SH3RF1: variants seen among roughly 807,000 people sequenced by gnomAD.
SH3RF1 encodes SH3 domain containing ring finger 1.
A neutral mutation model predicts 74.0 loss-of-function variants in SH3RF1; 32 were observed. The ratio of observed to expected loss-of-function variants is 0.43; its 90% CI spans 0.33 to 0.58. The LOEUF (loss-of-function observed/expected upper bound fraction) is 0.58. Among genes scored for constraint, SH3RF1 ranks in the 20% least tolerant of loss-of-function variants. The pLI, the probability that SH3RF1 is intolerant of heterozygous loss-of-function variation, is 0.05. For synonymous variants in SH3RF1, 396 were observed against 439.6 expected (o/e 0.90, Z 1.24); for missense variants, 954 against 1,130.9 (o/e 0.84, Z 2.24).
chr4:169,216,580 T>G (rs1730467664), intron 2 of SH3RF1, among the ~76,000 whole-genome samples: 1 of 152,184 alleles, frequency 6.6e-6, no homozygotes, highest in Non-Finnish European at 1.5e-5. Context: ...GTTGCTCACC[T>G]CTATAGTCCG....
intron 2 of SH3RF1, among the ~76,000 whole-genome samples, chr4:169,184,230 T>C (rs1205338288): frequency 1.3e-5 from 2 of 152,258 alleles, no homozygotes; most frequent in Admixed American, 6.5e-5. Context: ...GTCTGCATTT[T>C]CAGAAGAAAT....
intron 1 of SH3RF1, 142 bp from the exon 2 acceptor site, chr4:169,269,449 T>G (rs1731409433): frequency 2.2e-6 from 1 of 461,114 alleles, no homozygotes; most frequent in African/African-American, 2.0e-5. Flanking sequence ...GGAATGTGGG[T>G]TCCTAAACTC....
At chr4:169,172,308 G>A (rs1324456117) in intron 2 of SH3RF1, among the ~76,000 whole-genome samples, 6 of 152,172 alleles carry the variant, frequency 3.9e-5, no homozygotes, top group South Asian at 2.1e-4. Flanking sequence ...ACAGAAAGGA[G>A]GACTGTACTA....
chr4:169,220,076 CCAAT>C (rs1163588084), intron 2 of SH3RF1: 2 of 152,032 alleles, frequency 1.3e-5, no homozygotes, highest in Non-Finnish European at 1.5e-5. Flanking sequence ...AAAATTGTTT[CCAAT>C]CAGTCAAAGT....
chr4:169,244,928 G>T (rs778699773), intron 2 of SH3RF1, among the ~76,000 whole-genome samples: 1 of 152,076 alleles, frequency 6.6e-6, no homozygotes, highest in Non-Finnish European at 1.5e-5. Context: ...TTTAGAAAAG[G>T]TTTTGCAAAA....
intron 11 of SH3RF1, among the ~76,000 whole-genome samples, chr4:169,101,609 A>G (rs1480292367): frequency 1.3e-5 from 2 of 151,754 alleles, no homozygotes; most frequent in African/African-American, 4.8e-5. Flanking sequence ...ATTTTCATGT[A>G]TACTTTACCA....
Position 169,116,268 on chromosome 4 carries a change from C to T in SH3RF1, c.2139+1G>A. ...GAAACAGTAAGTAAGTATGGTCTTA[C>T]TTTGCTATCCTTGTCTGGTTTGGTT... On this transcript the variant is annotated splice_donor_variant, in intron 10 of 11. Transcript: ENST00000284637. LOFTEE classifies it high-confidence loss of function. 1 of 1,598,050 alleles carries T rather than the reference C, an allele frequency of 6.3e-7. No individual in the cohort carries two copies. Among genetic ancestry groups the T allele is most frequent in the Non-Finnish European group, 8.5e-7 (1 of 1,170,264 alleles).
chr4:169,233,340 A>G (rs980989703), intron 2 of SH3RF1, among the ~76,000 whole-genome samples: 6 of 152,182 alleles, frequency 3.9e-5, no homozygotes, highest in African/African-American at 1.2e-4. Context: ...GGTTATCTGG[A>G]AGTCAACATG....
chr4:169,169,251 C>A (rs1734289355), intron 2 of SH3RF1, among the ~76,000 whole-genome samples: 1 of 151,916 alleles, frequency 6.6e-6, no homozygotes, highest in Non-Finnish European at 1.5e-5. Context: ...TCCTGTGAAC[C>A]CTATAGGGTA....
chr4:169,123,322 G>A (rs915548953), intron 6 of SH3RF1, among the ~76,000 whole-genome samples: 3 of 152,138 alleles, frequency 2.0e-5, no homozygotes, highest in African/African-American at 7.2e-5. Context: ...CATAGTTCCA[G>A]AAACATAACG....
chr4:169,133,174 T>G (rs1450603526), intron 5 of SH3RF1, among the ~76,000 whole-genome samples: 2 of 152,188 alleles, frequency 1.3e-5, no homozygotes, highest in African/African-American at 4.8e-5. Context: ...CTAATAACTT[T>G]GTGGTGCTAT....
At chr4:169,151,981 T>C (rs1310946909) in intron 4 of SH3RF1, among the ~76,000 whole-genome samples, 3 of 152,236 alleles carry the variant, frequency 2.0e-5, no homozygotes, top group African/African-American at 4.8e-5. Flanking sequence ...TCCAAATTAA[T>C]AGGGTTAAAA....
Position 169,122,119 on chromosome 4 carries a change from G to A in SH3RF1, c.1327C>T (p.Pro443Ser). Residue 443 changes from proline to serine, a missense_variant, in exon 7 of 12, where the codon CCG becomes TCG. Transcript: ENST00000284637. ...ACTTACACACTGGGGCGAGTCTGCG[G>A]CCGTAAATGTGCAATCTGGTCAGTG... ...GSTDQIAHLRPQTRPSVYVAI... is the reference protein window; with the variant it reads ...GSTDQIAHLRSQTRPSVYVAI... 1 of 1,612,674 alleles carries A rather than the reference G, an allele frequency of 6.2e-7. No homozygotes were observed. The highest frequency in any genetic ancestry group is 8.5e-7 in the Non-Finnish European group (1 of 1,179,990).
intron 2 of SH3RF1, among the ~76,000 whole-genome samples, chr4:169,207,638 T>C (rs1730282913): frequency 6.6e-6 from 1 of 152,206 alleles, no homozygotes; most frequent in South Asian, 2.1e-4. Context: ...GTCTTTCTCA[T>C]TCTTGAGGCA....
chr4:169,116,407 T>C lies in SH3RF1; in HGVS notation c.2001A>G (p.Pro667=). 1.2e-6 allele frequency: 2 copies of C among 1,614,006 alleles called. No homozygotes were observed. The highest frequency in any genetic ancestry group is 1.7e-6 in the Non-Finnish European group (2 of 1,180,002). Residue 667 remains proline, a synonymous_variant, in exon 10 of 12, where the codon CCA becomes CCG. Transcript: ENST00000284637. ...CCTCCAGAGAAGCACTGGTGATGCTTGGGGAAGTCAGTGGAGCAGCTGCTG... is the reference window on the plus strand; with the variant it reads ...CCTCCAGAGAAGCACTGGTGATGCTCGGGGAAGTCAGTGGAGCAGCTGCTG... The part of the protein sequence containing the change: ...ACAAAAPLTS[P]SITSASLEAE...
chr4:169,130,986 AC>A (rs1733609700), intron 5 of SH3RF1, among the ~76,000 whole-genome samples: 1 of 152,198 alleles, frequency 6.6e-6, no homozygotes, highest in African/African-American at 2.4e-5. Flanking sequence ...GTTGGCTGGT[AC>A]CTGCCTCCCT....
At position 169,107,067 on chromosome 4, in the gene SH3RF1, C is replaced by T. The variant is rs756725142; in HGVS notation, c.2278G>A (p.Glu760Lys). 9.3e-6 allele frequency: 15 copies of T among 1,613,842 alleles called. No homozygotes were observed. Among genetic ancestry groups the T allele is most frequent in the African/African-American group, 5.3e-5 (4 of 74,942 alleles). Residue 760 changes from glutamate (E) to lysine (K), a missense_variant, in exon 11 of 12, where the codon GAA (glutamate) becomes AAA (lysine). Around this residue, in one of 3 missense-constraint regions of SH3RF1, gnomAD observed 854 missense variants for 962.5 expected, o/e 0.89. Coordinates refer to ENST00000284637, the MANE Select transcript of SH3RF1 (RefSeq NM_020870.4). ...ELPLQGAVGPELPPGGGHGRA... is the reference protein window; with the variant it reads ...ELPLQGAVGPKLPPGGGHGRA... ...CCATGGCCACCTCCTGGTGGCAGTT[C>T]GGGCCCCACCGCTCCCTGGAGAGGA... is the stretch of plus-strand genomic sequence containing the variant.
chr4:169,167,154 A>C (rs1734260075), intron 2 of SH3RF1: 1 of 155,724 alleles, frequency 6.4e-6, no homozygotes, highest in African/African-American at 2.4e-5. Flanking sequence ...TGATAACATT[A>C]AAAAATAAAA....
intron 11 of SH3RF1, among the ~76,000 whole-genome samples, chr4:169,098,167 T>A (rs1052491521): frequency 3.3e-5 from 5 of 152,244 alleles, no homozygotes; most frequent in Non-Finnish European, 7.3e-5. Flanking sequence ...CCACTGACTT[T>A]TGGGCGTAAC....
Sources: allele counts gnomAD v4.1 joint callset (sites outside exome capture counted in the v4.1 genomes callset), GRCh38; gene constraint gnomAD v4.1.1; regional missense constraint gnomAD v4.1.1; transcripts MANE v1.5; gene names NCBI Gene and HGNC (gene_info 2026-07-23, HGNC 2026-07-21).